NPAS3: variants seen among roughly 807,000 people sequenced by gnomAD.
NPAS3 encodes the protein neuronal PAS domain-containing protein 3.
Under a neutral mutation model 73.1 loss-of-function variants are expected in NPAS3, and 14 were observed. The ratio of observed to expected loss-of-function variants is 0.19; its 90% CI spans 0.13 to 0.30. NPAS3 has a LOEUF of 0.30. Ranked by LOEUF, NPAS3 falls within the 10% of genes least tolerant of loss-of-function variation. The probability of loss-of-function intolerance (pLI) is 1.00; values close to 1 mark genes in which losing one functional copy is unlikely to be tolerated. For missense variants in NPAS3, 1,096 were observed against 1,250.0 expected, an observed-to-expected ratio of 0.88 and a Z score of 1.86; for synonymous variants, 620 against 541.5, an observed-to-expected ratio of 1.14 and a Z score of -2.01.
At chr14:33,615,979 A>C (rs1166474049) in intron 5 of NPAS3, among the ~76,000 whole-genome samples, 1 of 152,244 alleles carries the variant, frequency 6.6e-6, no homozygotes, top group Non-Finnish European at 1.5e-5. Flanking sequence ...TGATGAGCCC[A>C]ATAGAAAGTC....
intron 3 of NPAS3, among the ~76,000 whole-genome samples, chr14:33,235,805 C>CTTTTTTTTTTTTTTT (rs35968798): frequency 5.0e-5 from 4 of 80,632 alleles, no homozygotes; most frequent in African/African-American, 2.0e-4. Context: ...TGATACAATT[C>CTTTTTTTTTTTTTTT]TTTTTTTTTT....
At chr14:33,345,008 A>G (rs934150240) in intron 3 of NPAS3, among the ~76,000 whole-genome samples, 3 of 152,232 alleles carry the variant, frequency 2.0e-5, no homozygotes, top group African/African-American at 7.2e-5. Context: ...TGAAGGGAGT[A>G]GAAGGAAATT....
chr14:33,465,465 G>T (rs555949088), intron 4 of NPAS3, among the ~76,000 whole-genome samples: 1 of 152,088 alleles, frequency 6.6e-6, no homozygotes, highest in Non-Finnish European at 1.5e-5. Context: ...AGAATATATC[G>T]ATTCAAGCAT....
chr14:33,290,174 C>T (rs1424767027), intron 3 of NPAS3, among the ~76,000 whole-genome samples: 1 of 152,204 alleles, frequency 6.6e-6, no homozygotes, highest in African/African-American at 2.4e-5. Context: ...CCTGCCAAGA[C>T]TGTCCACTAT....
At chr14:33,056,189 A>G (rs2040881907) in intron 2 of NPAS3, among the ~76,000 whole-genome samples, 195 bp downstream of exon 2, 1 of 152,232 alleles carries the variant, frequency 6.6e-6, no homozygotes, top group African/African-American at 2.4e-5. Context: ...AGATCAAGAC[A>G]GAAAAAAAAT....
rs145011945 is a variant in NPAS3, at chr14:33,197,145, G to A, written c.141-18037G>A. ...TCTATCAATAAAATTATAGCCTACAGTTGAACATACACCATTCCTTACTGT... is the reference window on the plus strand; with the variant it reads ...TCTATCAATAAAATTATAGCCTACAATTGAACATACACCATTCCTTACTGT... On this transcript the variant is annotated intron_variant, in intron 2 of 11. Coordinates refer to ENST00000356141, the Ensembl canonical transcript of NPAS3. Among the ~76,000 whole-genome samples, 525 of 152,110 alleles carry A rather than the reference G, an allele frequency of 3.5e-3. 2 individuals are homozygous for A. Among genetic ancestry groups the A allele is most frequent in the Middle Eastern group, 6.8e-3 (2 of 294 alleles).
chr14:33,676,535 G>A (rs950088305), intron 6 of NPAS3, 150 bp downstream of exon 6: 8 of 530,634 alleles, frequency 1.5e-5, no homozygotes, highest in Admixed American at 7.8e-5. Context: ...AATTAAATAA[G>A]GAAGAGATCT....
intron 4 of NPAS3, among the ~76,000 whole-genome samples, chr14:33,508,112 A>G (rs898103409): frequency 3.3e-5 from 5 of 152,026 alleles, no homozygotes; most frequent in African/African-American, 7.2e-5. Flanking sequence ...TTGTTTCTCC[A>G]GGAAAAAGCA....
chr14:33,704,588 T>G (rs1006143109), intron 6 of NPAS3, among the ~76,000 whole-genome samples: 1 of 152,208 alleles, frequency 6.6e-6, no homozygotes, highest in Non-Finnish European at 1.5e-5. Flanking sequence ...TGGTATAGTT[T>G]ACATAACATG....
intron 1 of NPAS3, among the ~76,000 whole-genome samples, chr14:33,031,922 A>C (rs1431920888): frequency 6.6e-6 from 1 of 152,252 alleles, no homozygotes; most frequent in Non-Finnish European, 1.5e-5. Context: ...TAGACATATA[A>C]TTTGCTGCAT....
intron 2 of NPAS3, among the ~76,000 whole-genome samples, chr14:33,182,214 G>A (rs1299401691): frequency 4.6e-5 from 7 of 152,114 alleles, no homozygotes; most frequent in African/African-American, 1.2e-4. Flanking sequence ...TATTTTAAAT[G>A]TATGGCCTGT....
intron 5 of NPAS3, among the ~76,000 whole-genome samples, chr14:33,641,095 A>G (rs550483933): frequency 1.3e-5 from 2 of 152,320 alleles, no homozygotes; most frequent in South Asian, 4.1e-4. Flanking sequence ...TCTAATGAAA[A>G]GGAAAATTTT....
intron 1 of NPAS3, among the ~76,000 whole-genome samples, chr14:33,012,554 T>C (rs1042250654): frequency 8.3e-5 from 12 of 145,450 alleles, no homozygotes; most frequent in Non-Finnish European, 1.8e-4. Flanking sequence ...AGTCATATCT[T>C]TTTTTTTTTT....
intron 6 of NPAS3, among the ~76,000 whole-genome samples, chr14:33,682,958 G>A (rs2059980872): frequency 6.6e-6 from 1 of 152,264 alleles, no homozygotes; most frequent in Admixed American, 6.5e-5. Context: ...TGACCCACAC[G>A]TTGATGACGC....
intron 4 of NPAS3, among the ~76,000 whole-genome samples, chr14:33,385,331 C>T (rs1476146495): frequency 6.6e-6 from 1 of 152,106 alleles, no homozygotes; most frequent in Non-Finnish European, 1.5e-5. Flanking sequence ...AATTATCTGC[C>T]ACGATGCATT....
Position 33,574,381 on chromosome 14 carries a change from C to T in NPAS3, c.558+14171C>T, listed in dbSNP as rs141801558. ...TTCAGAAAGGATGTGGTCAAGTGTC[C>T]GAAAGCTAAAATATTATAAGGCAAG... On this transcript the variant is annotated intron_variant, in intron 5 of 11. Coordinates refer to ENST00000356141, the Ensembl canonical transcript of NPAS3. Among the ~76,000 whole-genome samples, 150 of 152,042 alleles carry T rather than the reference C, an allele frequency of 9.9e-4. 1 individual carries two copies. Among genetic ancestry groups the T allele is most frequent in the African/African-American group, 3.5e-3 (145 of 41,472 alleles).
intron 1 of NPAS3, among the ~76,000 whole-genome samples, chr14:33,037,273 G>T (rs1328973047): frequency 6.6e-6 from 1 of 152,104 alleles, no homozygotes; most frequent in Non-Finnish European, 1.5e-5. Flanking sequence ...AAGATAGGTG[G>T]TTGGGACTTT....
chr14:33,234,683 C>G (rs2047970819), intron 3 of NPAS3, among the ~76,000 whole-genome samples: 1 of 151,910 alleles, frequency 6.6e-6, no homozygotes, highest in South Asian at 2.1e-4. Context: ...TCTCTTTTGT[C>G]CCATTTCCCC....
chr14:33,426,584 G>T, intron 4 of NPAS3, among the ~76,000 whole-genome samples: 1 of 151,986 alleles, frequency 6.6e-6, no homozygotes, highest in African/African-American at 2.4e-5. Context: ...AGAATATCAT[G>T]AGCGAGGATA....
Sources: allele counts gnomAD v4.1 joint callset (sites outside exome capture counted in the v4.1 genomes callset), GRCh38; gene constraint gnomAD v4.1.1; transcripts MANE v1.5; gene names NCBI Gene and HGNC (gene_info 2026-07-23, HGNC 2026-07-21).